SETX: variants seen among roughly 807,000 people sequenced by gnomAD.
SETX encodes senataxin.
SETX carries 90 observed loss-of-function variants against 227.2 expected under a neutral mutation model. The observed-to-expected ratio is 0.40, with a 90% CI of 0.33 to 0.47. SETX has a LOEUF of 0.47. Ranked by LOEUF, SETX falls within the 20% of genes least tolerant of loss-of-function variation. SETX has a pLI of 0.91. For missense variants in SETX, 3,052 were observed against 3,181.5 expected, an observed-to-expected ratio of 0.96 and a Z score of 0.98; for synonymous variants, 1,210 against 1,113.2, an observed-to-expected ratio of 1.09 and a Z score of -1.73.
intron 5 of SETX, among the ~76,000 whole-genome samples, chr9:132,341,975 T>C (rs748470030): frequency 6.6e-6 from 1 of 151,726 alleles, no homozygotes; most frequent in Non-Finnish European, 1.5e-5. Context: ...ATCATTGGTA[T>C]GTGTTTGGCC....
At chr9:132,294,793 T>C (rs1844572193) in intron 15 of SETX, among the ~76,000 whole-genome samples, 1 of 152,200 alleles carries the variant, frequency 6.6e-6, no homozygotes, top group South Asian at 2.1e-4. Context: ...AGGCCACACA[T>C]GGTGAAGCAA....
At chr9:132,344,867 TTTAA>T (rs1848199486) in intron 4 of SETX, among the ~76,000 whole-genome samples, 1 of 39,728 alleles carries the variant, frequency 2.5e-5, no homozygotes, top group Non-Finnish European at 6.2e-5. Flanking sequence ...AGTGAGACTC[TTTAA>T]AAAAAAAAAA....
chr9:132,297,135 C>G (rs760694217), intron 13 of SETX, 81 bp from the exon 14 acceptor site: 6 of 1,253,848 alleles, frequency 4.8e-6, no homozygotes, highest in Non-Finnish European at 5.6e-6. Context: ...AAAGACCTGT[C>G]CAAATTTCTT....
chr9:132,301,887 A>C (rs1036231311), intron 11 of SETX, among the ~76,000 whole-genome samples: 2 of 152,268 alleles, frequency 1.3e-5, no homozygotes. Flanking sequence ...AAAGTTCAGT[A>C]CCAACTGCCG....
At chr9:132,325,932 T>TA (rs1305318477) in intron 10 of SETX, among the ~76,000 whole-genome samples, 2,529 of 73,962 alleles carry the variant, frequency 0.034, 28 homozygotes, top group Non-Finnish European at 0.052. Flanking sequence ...AAACTCCACC[T>TA]AAAAAAAAAA....
intron 10 of SETX, among the ~76,000 whole-genome samples, chr9:132,314,524 A>G (rs1046936398): frequency 2.6e-5 from 4 of 152,324 alleles, no homozygotes; most frequent in Non-Finnish European, 5.9e-5. Flanking sequence ...AAGCCCGGCT[A>G]GCTTTCCAAG....
chr9:132,285,878 C>CAA (rs35343871), intron 18 of SETX, among the ~76,000 whole-genome samples: 1 of 106,320 alleles, frequency 9.4e-6, no homozygotes, highest in Non-Finnish European at 1.9e-5. Flanking sequence ...GACTCTGTCT[C>CAA]AAAAAAAAAA....
In SETX at chr9:132,327,547, G is replaced by C. The variant is rs375241191; in HGVS notation, c.4051C>G (p.Gln1351Glu). 5.6e-5 allele frequency: 91 copies of C among 1,613,894 alleles called. No homozygotes were observed. Among genetic ancestry groups the C allele is most frequent in the Non-Finnish European group, 7.2e-5 (85 of 1,180,042 alleles). The change falls in exon 10 of 26, where the codon CAA (glutamine) becomes GAA (glutamate). Residue 1351 changes from glutamine (Q) to glutamate (E), a missense_variant. By Grantham distance (29) the Gln-to-Glu change is conservative. Transcript: ENST00000224140. ...TGTGATTTGGGTCTGATCTGCCTTT[G>C]CATCTGAAGTTCTTGACTAGTCAGA... is the stretch of plus-strand genomic sequence containing the variant. The part of the protein sequence containing the change: ...KLLTSQELQM[Q>E]RQIRPKSQKN...
intron 11 of SETX, among the ~76,000 whole-genome samples, chr9:132,302,356 CAAAAAAAAAAAA>C (rs35649212): frequency 2.9e-4 from 8 of 27,814 alleles, no homozygotes; most frequent in South Asian, 1.4e-3. Context: ...GAATCCATCT[CAAAAAAAAAAAA>C]AAAAAAAAAG....
chr9:132,278,435 ATCTTTTTTTTTTTTTTTT>A (rs1455291129), intron 20 of SETX, among the ~76,000 whole-genome samples, 178 bp from the exon 21 acceptor site: 3 of 117,182 alleles, frequency 2.6e-5, no homozygotes, highest in African/African-American at 8.9e-5. Flanking sequence ...AATGCCATGA[ATCTTTTTTTTTTTTTTTT>A]TTTTTTTTTT....
intron 17 of SETX, among the ~76,000 whole-genome samples, chr9:132,287,766 CAA>C (rs34551713): frequency 6.5e-5 from 8 of 123,854 alleles, no homozygotes; most frequent in African/African-American, 5.8e-5. Context: ...ACCAAAAGGA[CAA>C]AAAAAAAAAA....
chr9:132,320,597 A>G (rs1351504305), intron 10 of SETX, among the ~76,000 whole-genome samples: 2 of 132,336 alleles, frequency 1.5e-5, no homozygotes, highest in Non-Finnish European at 3.5e-5. Context: ...CCAACTCAAA[A>G]AAAAAAAAAA....
chr9:132,272,604 G>A lies in SETX; in HGVS notation c.7101-796C>T, dbSNP rs574807572. Among the ~76,000 whole-genome samples the A allele has an allele frequency of 1.6e-4, 24 of 152,244 alleles. No individual in the cohort carries two copies. The South Asian group carries it at 4.4e-3, about 28-fold the overall frequency. ...GGAGATGCATGCACCACCATGCTCG[G>A]CTGCTAAGACATTTTAAAAACATTT... is the stretch of plus-strand genomic sequence containing the variant. On this transcript the variant is annotated intron_variant, in intron 23 of 25. Coordinates refer to ENST00000224140, the MANE Select transcript of SETX (RefSeq NM_015046.7).
At position 132,311,838 on chromosome 9, in the gene SETX, T is replaced by C. The variant is rs765681473; in HGVS notation, c.5293A>G (p.Asn1765Asp). The change falls in exon 11 of 26, where the codon AAC becomes GAC. Residue 1765 changes from asparagine to aspartate, a missense_variant. Asn to Asp is a conservative substitution (Grantham distance 23, BLOSUM62 1). Coordinates refer to ENST00000224140, the MANE Select transcript of SETX (RefSeq NM_015046.7). Reference protein sequence around the residue: ...TFETVAQEWLNSPNRENFYQL... With the variant: ...TFETVAQEWLDSPNRENFYQL... ...TAGAAATTCTCTCTATTTGGAGAGT[T>C]GAGCCATTCTTGTGCCACCTATACA... 2 of 1,613,324 alleles carry C rather than the reference T, an allele frequency of 1.2e-6. No homozygotes were observed. The highest frequency in any genetic ancestry group is 2.2e-5 in the South Asian group (2 of 91,042).
chr9:132,308,909 C>T (rs1174683091), intron 11 of SETX, among the ~76,000 whole-genome samples: 1 of 152,048 alleles, frequency 6.6e-6, no homozygotes, highest in Non-Finnish European at 1.5e-5. Context: ...GAGGCCAAGA[C>T]GGGCAGATAA....
Position 132,326,745 on chromosome 9 carries a change from G to C in SETX, c.4853C>G (p.Ser1618Ter), listed in dbSNP as rs553512431. The change falls in exon 10 of 26, where the codon TCA becomes TGA. Residue 1618 changes from serine (S) to a stop codon, truncating the protein, a stop_gained. Transcript: ENST00000224140. LOFTEE classifies it high-confidence loss of function. ...ATTTTTTAGAGACGGTGAAAGTGCT[G>C]AAGAAGTTTCCAAAGATTTAGAAAG... ...AGLSKSLETS[S>*]ALSPSLKNKS... The C allele has an allele frequency of 6.2e-6, 10 of 1,614,102 alleles. No homozygotes were observed. In the African/African-American group the frequency reaches 6.7e-5, roughly 11 times the overall value.
chr9:132,307,478 G>A (rs1473710006), intron 11 of SETX, among the ~76,000 whole-genome samples: 1 of 151,780 alleles, frequency 6.6e-6, no homozygotes, highest in East Asian at 1.9e-4. Flanking sequence ...CTAAAATATA[G>A]CAAGGCTCCT....
intron 25 of SETX, among the ~76,000 whole-genome samples, chr9:132,267,513 G>A (rs945573206): frequency 4.6e-5 from 7 of 152,160 alleles, no homozygotes; most frequent in African/African-American, 2.4e-5. Context: ...TCCCATAAGG[G>A]GAACTAGGCT....
At chr9:132,356,720 C>T (rs1291620184), upstream of SETX, among the ~76,000 whole-genome samples, 2 of 152,078 alleles carry the variant, frequency 1.3e-5, no homozygotes, top group South Asian at 2.1e-4. Flanking sequence ...GGGAACACTG[C>T]GGGAAAGGCC....
Sources: allele counts gnomAD v4.1 joint callset (sites outside exome capture counted in the v4.1 genomes callset), GRCh38; gene constraint gnomAD v4.1.1; transcripts MANE v1.5; gene names NCBI Gene and HGNC (gene_info 2026-07-23, HGNC 2026-07-21).